The following ZBTB46 variants were observed in gnomAD, a reference collection of about 807,000 sequenced individuals.
ZBTB46 encodes zinc finger and BTB domain-containing protein 46.
In ZBTB46, 8 loss-of-function variants were observed where a neutral mutation model predicts 44.1. The observed-to-expected ratio is 0.18, with a 90% CI of 0.11 to 0.33. The LOEUF is 0.33. ZBTB46 is among the 10% of genes least tolerant of loss of function. The pLI is 1.00. For missense variants in ZBTB46, 651 were observed against 847.7 expected (o/e 0.77, Z 2.88); for synonymous variants, 409 against 382.3 (o/e 1.07, Z -0.81).
At chr20:63,795,373 G>A (rs556736679) in intron 1 of ZBTB46, among the ~76,000 whole-genome samples, 1 of 152,340 alleles carries the variant, frequency 6.6e-6, no homozygotes, top group Non-Finnish European at 1.5e-5. Context: ...GGGACGCTGC[G>A]CAGTTACACC....
chr20:63,804,735 TA>T (rs1393668645), intron 1 of ZBTB46, among the ~76,000 whole-genome samples: 1 of 151,452 alleles, frequency 6.6e-6, no homozygotes, highest in Non-Finnish European at 1.5e-5. Flanking sequence ...CTACCAAAAT[TA>T]AAAAAATTAG....
At chr20:63,832,111 G>A (rs1568918001), upstream of ZBTB46, among the ~76,000 whole-genome samples, 2 of 152,016 alleles carry the variant, frequency 1.3e-5, no homozygotes, top group African/African-American at 4.8e-5. The surrounding 1 kb of genome is among the most constrained non-coding windows in gnomAD (Gnocchi z 5.0). Context: ...TCCGGGAGGG[G>A]GCGGGAACCA....
intron 1 of ZBTB46, among the ~76,000 whole-genome samples, chr20:63,808,723 C>T (rs975546364): frequency 6.6e-6 from 1 of 152,040 alleles, no homozygotes; most frequent in African/African-American, 2.4e-5. Flanking sequence ...GCCTGTAATC[C>T]CAGCACTTTG....
Position 63,767,954 on chromosome 20 carries a change from C to T in ZBTB46, c.1222+7724G>A. ...AACTCTGGAAGAGGACTGCTCCGCC[C>T]AGCTCTCCACGCCATGAGAGGTGTC... On this transcript the variant is annotated intron_variant, in intron 3 of 4. Coordinates refer to ENST00000245663, the MANE Select transcript of ZBTB46 (RefSeq NM_001369741.1). This position sits in a 1 kb window ranked among gnomAD's most constrained non-coding sequence, Gnocchi z 5.0. 1 of 985,476 alleles carries T rather than the reference C, an allele frequency of 1.0e-6. No homozygotes were observed. Among genetic ancestry groups the T allele is most frequent in the South Asian group, 4.7e-5 (1 of 21,288 alleles). The allele number at this position is 985,476 out of a possible 1,614,324, so 61.0% of individuals were successfully genotyped here.
Position 63,790,127 on chromosome 20 carries a change from C to G in ZBTB46, c.631G>C (p.Val211Leu), listed in dbSNP as rs143120688. Reference protein sequence around the residue: ...QEPKADGPDDVSSQPLWPGDV... With the variant: ...QEPKADGPDDLSSQPLWPGDV... ...CCAGGCCATAGAGGCTGTGAAGAAA[C>G]ATCATCAGGGCCATCGGCCTTGGGC... The change falls in exon 2 of 5, where the codon GTT becomes CTT. Residue 211 changes from valine (V) to leucine (L), a missense_variant. Coordinates refer to ENST00000245663, the MANE Select transcript of ZBTB46 (RefSeq NM_001369741.1). 3.9e-5 allele frequency: 63 copies of G among 1,614,038 alleles called. No individual in the cohort carries two copies. In the African/African-American group the frequency reaches 6.5e-4, roughly 17 times the overall value.
chr20:63,831,953 G>C (rs935794755), upstream of ZBTB46, among the ~76,000 whole-genome samples: 10 of 152,094 alleles, frequency 6.6e-5, no homozygotes, highest in African/African-American at 2.4e-4. Flanking sequence ...GCCTACCCTC[G>C]GGGGCCTCGG....
chr20:63,751,322 A>G (rs1368271583), intron 4 of ZBTB46, among the ~76,000 whole-genome samples: 1 of 152,072 alleles, frequency 6.6e-6, no homozygotes, highest in Non-Finnish European at 1.5e-5. Context: ...TTCCTTCTCT[A>G]CTGTCCTCCA....
intron 1 of ZBTB46, 154 bp from the exon 2 acceptor site, chr20:63,790,944 C>T: frequency 2.7e-6 from 3 of 1,106,158 alleles, no homozygotes; most frequent in Non-Finnish European, 1.2e-6. Flanking sequence ...CAGCGGGAGG[C>T]CTGTGTCTCC....
intron 1 of ZBTB46, among the ~76,000 whole-genome samples, chr20:63,823,267 G>A (rs975066951): frequency 6.6e-6 from 1 of 152,102 alleles, no homozygotes; most frequent in African/African-American, 2.4e-5. Context: ...GTGGGCAGAT[G>A]GGGGTGCACT....
intron 2 of ZBTB46, among the ~76,000 whole-genome samples, chr20:63,784,365 C>T (rs541037083): frequency 6.6e-6 from 1 of 152,228 alleles, no homozygotes; most frequent in Non-Finnish European, 1.5e-5. Context: ...AGGCCATTGT[C>T]CCCCATCTGG....
chr20:63,810,612 G>C (rs529839738), intron 1 of ZBTB46, among the ~76,000 whole-genome samples: 134 of 152,258 alleles, frequency 8.8e-4, no homozygotes, highest in Middle Eastern at 3.4e-3. Context: ...TGGGCGTGGT[G>C]GCACGCACCT....
chr20:63,767,174 G>A lies in ZBTB46; in HGVS notation c.1222+8504C>T, dbSNP rs2092327426. The stretch of plus-strand genomic sequence containing the variant: ...CACATGCCAGGCACACACCGCCAAG[G>A]ACGCCGTGGCAGGCTTTGTCTTTCG... On this transcript the variant is annotated intron_variant, in intron 3 of 4. Coordinates refer to ENST00000245663, the MANE Select transcript of ZBTB46 (RefSeq NM_001369741.1). This position sits in a 1 kb window ranked among gnomAD's most constrained non-coding sequence, Gnocchi z 5.0. 6.6e-6 allele frequency among the ~76,000 whole-genome samples: 1 copy of A among 152,276 alleles called. No homozygotes were observed. Among genetic ancestry groups the A allele is most frequent in the Admixed American group, 6.5e-5 (1 of 15,306 alleles).
intron 1 of ZBTB46, among the ~76,000 whole-genome samples, chr20:63,805,625 GAC>G (rs2092676244): frequency 6.6e-6 from 1 of 152,318 alleles, no homozygotes; most frequent in Admixed American, 6.5e-5. Context: ...ATGGCCCTGA[GAC>G]ACCCTGAGTT....
At chr20:63,772,933 G>A (rs1211907463) in intron 3 of ZBTB46, among the ~76,000 whole-genome samples, 1 of 152,146 alleles carries the variant, frequency 6.6e-6, no homozygotes, top group African/African-American at 2.4e-5. Flanking sequence ...TCCGGGGCTC[G>A]CTTCCGGAAA....
intron 1 of ZBTB46, among the ~76,000 whole-genome samples, chr20:63,824,526 C>T (rs1568911190): frequency 6.6e-6 from 1 of 152,078 alleles, no homozygotes; most frequent in South Asian, 2.1e-4. Context: ...CCCTGAACCA[C>T]GCCCTTTTTC....
Position 63,767,969 on chromosome 20 carries a change from T to C in ZBTB46, c.1222+7709A>G. On this transcript the variant is annotated intron_variant, in intron 3 of 4. Transcript: ENST00000245663. The surrounding 1 kb of genome is among the most constrained non-coding windows in gnomAD (Gnocchi z 5.0). ...CTGCTCCGCCCAGCTCTCCACGCCATGAGAGGTGTCGATCTGGAACCAGAG... is the reference window on the plus strand; with the variant it reads ...CTGCTCCGCCCAGCTCTCCACGCCACGAGAGGTGTCGATCTGGAACCAGAG... 1.0e-6 allele frequency: 1 copy of C among 985,380 alleles called. No individual in the cohort carries two copies. Among genetic ancestry groups the C allele is most frequent in the Non-Finnish European group, 1.2e-6 (1 of 829,908 alleles). 61.0% of individuals were successfully genotyped at this position (985,380 alleles called of 1,614,324 possible). A position where few individuals can be genotyped will look rare whatever the true frequency, so the allele number is the denominator to read the frequency against.
At chr20:63,829,534 T>C (rs2092836892) in intron 1 of ZBTB46, among the ~76,000 whole-genome samples, 4 of 152,218 alleles carry the variant, frequency 2.6e-5, no homozygotes, top group Admixed American at 2.6e-4. Context: ...TCTAGCTTTT[T>C]AGGGGACACA....
chr20:63,781,039 G>A (rs1334859922), intron 2 of ZBTB46, among the ~76,000 whole-genome samples: 1 of 149,340 alleles, frequency 6.7e-6, no homozygotes, highest in African/African-American at 2.5e-5. Context: ...TATTCAGGAG[G>A]CTGAGGCAAG....
chr20:63,750,025 G>A (rs1160817713), intron 4 of ZBTB46, among the ~76,000 whole-genome samples: 1 of 152,236 alleles, frequency 6.6e-6, no homozygotes, highest in Non-Finnish European at 1.5e-5. Flanking sequence ...GGCATGGGGG[G>A]CCCTGCCCCA....
Sources: gnomAD v4.1 joint callset for allele counts (sites outside exome capture counted in the v4.1 genomes callset) on GRCh38, gnomAD v4.1.1 for gene constraint, Gnocchi (gnomAD v3.1) non-coding constraint, MANE v1.5 for transcripts, NCBI Gene and HGNC (gene_info 2026-07-23, HGNC 2026-07-21) for gene names.